Variants in CNBD1 observed in about 807,000 individuals in gnomAD.
The protein encoded by CNBD1 is cyclic nucleotide-binding domain-containing protein 1.
Under a neutral mutation model 54.4 loss-of-function variants are expected in CNBD1, and 71 were observed. That is an observed-to-expected ratio of 1.30 (90% CI 1.08 to 1.59). The LOEUF (loss-of-function observed/expected upper bound fraction) is 1.59. Ranked by LOEUF, CNBD1 falls within the 40% of genes most tolerant of loss-of-function variation. The pLI is 0.00. For synonymous variants in CNBD1, 182 were observed against 170.7 expected (o/e 1.07, Z -0.51); for missense variants, 659 against 518.0 (o/e 1.27, Z -2.64).
At chr8:87,424,076 A>G (rs897532676) in intron 2 of CNBD1, among the ~76,000 whole-genome samples, 1 of 152,150 alleles carries the variant, frequency 6.6e-6, no homozygotes, top group Non-Finnish European at 1.5e-5. Flanking sequence ...AAGTGTTTGT[A>G]GTATTCTCTG....
At chr8:86,875,749 A>G (rs1315169712) in intron 1 of CNBD1, among the ~76,000 whole-genome samples, 3 of 152,164 alleles carry the variant, frequency 2.0e-5, no homozygotes, top group Non-Finnish European at 2.9e-5. Context: ...CTTAAAAAAA[A>G]TAAACTTTTT....
intron 4 of CNBD1, among the ~76,000 whole-genome samples, chr8:87,055,871 C>T (rs1249315680): frequency 7.1e-6 from 1 of 139,944 alleles, no homozygotes; most frequent in Non-Finnish European, 1.6e-5. Flanking sequence ...CTCCTTCCCT[C>T]CCTGCTTGAC....
At chr8:87,129,453 C>T (rs977443488) in intron 4 of CNBD1, among the ~76,000 whole-genome samples, 5 of 152,010 alleles carry the variant, frequency 3.3e-5, no homozygotes, top group Admixed American at 2.0e-4. Flanking sequence ...TTTAAGAAAT[C>T]GTCATTTTTA....
chr8:87,401,532 ATTGT>A (rs1807563977), intron 2 of CNBD1, among the ~76,000 whole-genome samples: 2 of 152,036 alleles, frequency 1.3e-5, no homozygotes, highest in African/African-American at 4.8e-5. Context: ...AACATTATGC[ATTGT>A]TTATCTTTCT....
At chr8:86,902,026 C>T (rs761547694) in intron 2 of CNBD1, among the ~76,000 whole-genome samples, 33 of 152,096 alleles carry the variant, frequency 2.2e-4, no homozygotes, top group Non-Finnish European at 1.9e-4. Flanking sequence ...TTTATATAAG[C>T]GTAGGCAGGT....
chr8:87,326,484 T>C (rs2130905225), intron 8 of CNBD1, among the ~76,000 whole-genome samples: 1 of 123,260 alleles, frequency 8.1e-6, no homozygotes, highest in Middle Eastern at 4.3e-3. Flanking sequence ...CCCATATTTC[T>C]TGGAGGCTTT....
chr8:87,130,987 ATAT>A (rs1181979253), intron 4 of CNBD1, among the ~76,000 whole-genome samples: 2 of 151,994 alleles, frequency 1.3e-5, no homozygotes, highest in African/African-American at 4.8e-5. Flanking sequence ...AAGTTGCTAT[ATAT>A]TATTAATATA....
intron 4 of CNBD1, among the ~76,000 whole-genome samples, chr8:86,975,056 A>G (rs1808311196): frequency 1.3e-5 from 2 of 152,086 alleles, no homozygotes; most frequent in African/African-American, 2.4e-5. Flanking sequence ...GTTCAACAAA[A>G]TTACCTTAGT....
chr8:87,159,319 C>T (rs1405257375), intron 4 of CNBD1, among the ~76,000 whole-genome samples: 2 of 152,064 alleles, frequency 1.3e-5, no homozygotes, highest in Admixed American at 1.3e-4. Context: ...CTGAACCCCT[C>T]ATATAATTTC....
At chr8:86,999,931 T>A (rs1185543624) in intron 4 of CNBD1, among the ~76,000 whole-genome samples, 1 of 152,238 alleles carries the variant, frequency 6.6e-6, no homozygotes, top group Non-Finnish European at 1.5e-5. Flanking sequence ...TTCTGCAACA[T>A]TGCAAAGCAT....
chr8:87,319,924 A>G (rs926466507), intron 8 of CNBD1, among the ~76,000 whole-genome samples: 3 of 152,048 alleles, frequency 2.0e-5, no homozygotes, highest in African/African-American at 7.2e-5. Context: ...TGTTTTAACA[A>G]CAAAATTTTA....
chr8:87,355,553 A>G (rs2130931604), intron 10 of CNBD1, among the ~76,000 whole-genome samples: 1 of 152,286 alleles, frequency 6.6e-6, no homozygotes, highest in South Asian at 2.1e-4. Context: ...AATACAATTG[A>G]GTATGAAGGA....
chr8:86,961,261 A>G (rs1045807907), intron 4 of CNBD1, among the ~76,000 whole-genome samples: 3 of 152,184 alleles, frequency 2.0e-5, no homozygotes, highest in African/African-American at 7.2e-5. Context: ...AGACAATCCA[A>G]TGAAGGCTGT....
intron 4 of CNBD1, among the ~76,000 whole-genome samples, chr8:87,181,410 T>G (rs936653976): frequency 6.6e-6 from 1 of 152,200 alleles, no homozygotes; most frequent in African/African-American, 2.4e-5. Flanking sequence ...ATTTCTTTAT[T>G]AGAAATATGG....
rs189666687 is a variant in CNBD1 at position 87,254,881 on chromosome 8, A to G, written c.771+17769A>G. The stretch of plus-strand genomic sequence containing the variant: ...AATGGGGCAAGAAGAATGTCATTGA[A>G]ATATTTAGCTTGCTAAATTAAAAAG... On this transcript the variant is annotated intron_variant, in intron 6 of 10. Transcript: ENST00000518476. Among the ~76,000 whole-genome samples, 683 of 152,330 alleles carry G rather than the reference A, an allele frequency of 4.5e-3. 20 individuals are homozygous for G. The highest frequency in any genetic ancestry group is 0.036 in the Admixed American group (555 of 15,298).
intron 4 of CNBD1, among the ~76,000 whole-genome samples, chr8:87,139,000 GA>G (rs1276875681): frequency 1.3e-5 from 2 of 152,224 alleles, no homozygotes; most frequent in African/African-American, 4.8e-5. Context: ...TAACAGGTTA[GA>G]GAAGAGGAGA....
intron 4 of CNBD1, among the ~76,000 whole-genome samples, chr8:86,994,641 T>C (rs2130534062): frequency 6.6e-6 from 1 of 152,282 alleles, no homozygotes; most frequent in South Asian, 2.1e-4. Flanking sequence ...TGACCCACTC[T>C]TTTCCCAGAA....
intron 6 of CNBD1, among the ~76,000 whole-genome samples, chr8:87,241,677 T>C (rs1807711812): frequency 6.6e-6 from 1 of 152,076 alleles, no homozygotes; most frequent in Admixed American, 6.6e-5. Flanking sequence ...AGGAGTGAGA[T>C]TACAAAGGCA....
chr8:87,045,525 A>G (rs536172944), intron 4 of CNBD1, among the ~76,000 whole-genome samples: 17 of 152,016 alleles, frequency 1.1e-4, no homozygotes, highest in Non-Finnish European at 2.1e-4. Context: ...GGAGATCAAG[A>G]CCATCCTGGC....
Sources: allele counts gnomAD v4.1 joint callset (sites outside exome capture counted in the v4.1 genomes callset), GRCh38; gene constraint gnomAD v4.1.1; transcripts MANE v1.5; gene names NCBI Gene and HGNC (gene_info 2026-07-23, HGNC 2026-07-21).